Variants in ELFN1 observed in about 807,000 individuals in gnomAD.
ELFN1 encodes protein ELFN1.
In ELFN1, 6 loss-of-function variants were observed where a neutral mutation model predicts 7.6. The observed-to-expected ratio is 0.79, with a 90% confidence interval of 0.43 to 1.56. The LOEUF is 1.56. Among genes scored for constraint, ELFN1 ranks in the 40% most tolerant of loss-of-function variants. The pLI is 0.01. For synonymous variants in ELFN1, 657 were observed against 588.1 expected (o/e 1.12, Z -1.70); for missense variants, 1,169 against 1,232.2 (o/e 0.95, Z 0.77).
chr7:1,721,036 G>C (rs1422673416), intron 3 of ELFN1, among the ~76,000 whole-genome samples: 2 of 152,176 alleles, frequency 1.3e-5, no homozygotes, highest in African/African-American at 4.8e-5. Flanking sequence ...GTATTTCTAT[G>C]TGTTTAATAA....
chr7:1,747,145 A>C lies in ELFN1; in HGVS notation c.*62A>C. ...GGATGCAGGATCCACCCAGAGACTCAGCACCAAACCCAACACACGCACGCC... is the reference window on the plus strand; with the variant it reads ...GGATGCAGGATCCACCCAGAGACTCCGCACCAAACCCAACACACGCACGCC... On this transcript the variant is annotated 3_prime_UTR_variant, in exon 4 of 4. Coordinates refer to ENST00000424383, the MANE Select transcript of ELFN1 (RefSeq NM_001128636.4). 7.1e-7 allele frequency: 1 copy of C among 1,409,618 alleles called. No individual in the cohort carries two copies. The highest frequency in any genetic ancestry group is 1.6e-5 in the South Asian group (1 of 61,154). 87.3% of individuals were successfully genotyped at this position (1,409,618 alleles called of 1,614,324 possible). A position where few individuals can be genotyped will look rare whatever the true frequency, so the allele number is the denominator to read the frequency against.
At chr7:1,728,602 A>G (rs1046676870) in intron 3 of ELFN1, among the ~76,000 whole-genome samples, 2 of 152,180 alleles carry the variant, frequency 1.3e-5, no homozygotes, top group Admixed American at 6.5e-5. Flanking sequence ...CCTTCTGTCC[A>G]TGCAAATCCC....
chr7:1,707,138 C>T (rs1187836702), intron 2 of ELFN1, among the ~76,000 whole-genome samples: 1 of 152,232 alleles, frequency 6.6e-6, no homozygotes, highest in African/African-American at 2.4e-5. Flanking sequence ...GCCCAGCACA[C>T]GCATGTGAGA....
At chr7:1,687,877 A>G (rs2128578883) in intron 1 of ELFN1, among the ~76,000 whole-genome samples, 181 bp from the exon 2 acceptor site, 1 of 151,804 alleles carries the variant, frequency 6.6e-6, no homozygotes, top group Non-Finnish European at 1.5e-5. Flanking sequence ...TAAAAGTCAT[A>G]TTTGTCTTTT....
chr7:1,691,599 G>T (rs1779165819), intron 2 of ELFN1, among the ~76,000 whole-genome samples: 1 of 152,170 alleles, frequency 6.6e-6, no homozygotes, highest in South Asian at 2.1e-4. Flanking sequence ...AGGGATCCAG[G>T]CCCGACCCAC....
chr7:1,746,658 G>A lies in ELFN1; in HGVS notation c.2062G>A (p.Ala688Thr), dbSNP rs1161280673. 1.1e-5 allele frequency: 15 copies of A among 1,367,232 alleles called. No homozygotes were observed. Among genetic ancestry groups the A allele is most frequent in the South Asian group, 9.7e-5 (6 of 61,676 alleles). The allele number at this position is 1,367,232 out of a possible 1,614,324, so 84.7% of individuals were successfully genotyped here. ...CATCCTCACTGTGACACCCGCGGCC[G>A]CCGTGCTGCGGGCCGAGGCCGAGAA... is the stretch of plus-strand genomic sequence containing the variant. ...DAILTVTPAA[A>T]VLRAEAEKGR... Residue 688 changes from alanine to threonine, a missense_variant, in exon 4 of 4, where the codon GCC (alanine) becomes ACC (threonine). Ala to Thr is a moderately conservative substitution (Grantham distance 58). Around this residue, in one of 2 missense-constraint regions of ELFN1, gnomAD observed 914 missense variants for 872.6 expected, o/e 1.05. Transcript: ENST00000424383.
At position 1,747,407 on chromosome 7, in the gene ELFN1, C is replaced by T. The variant is rs894707191; in HGVS notation, c.*324C>T. ...GGATTTTTTTTTCATTATCTTTCCT[C>T]TTTTGAGTCTTCTCTGCCTTTTCTT... On this transcript the variant is annotated 3_prime_UTR_variant, in exon 4 of 4. Transcript: ENST00000424383. 21 of 229,246 alleles carry T rather than the reference C, an allele frequency of 9.2e-5. No homozygotes were observed. Among genetic ancestry groups the T allele is most frequent in the African/African-American group, 3.7e-4 (16 of 43,806 alleles). 14.2% of individuals were successfully genotyped at this position (229,246 alleles called of 1,614,324 possible).
At chr7:1,704,657 G>T (rs75467157) in intron 2 of ELFN1, among the ~76,000 whole-genome samples, 25,812 of 151,904 alleles carry the variant, frequency 0.17, 2,772 homozygotes, top group African/African-American at 0.31. Flanking sequence ...CCCTTGCTTG[G>T]GAGTCCCGTC....
At chr7:1,669,146 G>T (rs762587851), upstream of ELFN1, among the ~76,000 whole-genome samples, 1 of 152,244 alleles carries the variant, frequency 6.6e-6, no homozygotes, top group Non-Finnish European at 1.5e-5. Context: ...GGTCCATACA[G>T]GACTGAACGG....
At chr7:1,716,952 C>A (rs953555645) in intron 3 of ELFN1, among the ~76,000 whole-genome samples, 5 of 152,144 alleles carry the variant, frequency 3.3e-5, no homozygotes, top group Admixed American at 2.6e-4. Context: ...AATTAGTAGA[C>A]AGGGCTGCTG....
chr7:1,740,348 G>C lies in ELFN1; in HGVS notation c.-293-3956G>C, dbSNP rs1780573087. Among the ~76,000 whole-genome samples, 1 of 152,232 alleles carries C rather than the reference G, an allele frequency of 6.6e-6. No homozygotes were observed. The highest frequency in any genetic ancestry group is 1.5e-5 in the Non-Finnish European group (1 of 68,026). ...CTGAGGCAGCAAGTGTGCTGAGGAGGGGACCAGGGCTGGAGCTGGGTCTGT... is the reference window on the plus strand; with the variant it reads ...CTGAGGCAGCAAGTGTGCTGAGGAGCGGACCAGGGCTGGAGCTGGGTCTGT... On this transcript the variant is annotated intron_variant, in intron 3 of 3. Coordinates refer to ENST00000424383, the MANE Select transcript of ELFN1 (RefSeq NM_001128636.4). This position sits in a 1 kb window ranked among gnomAD's most constrained non-coding sequence, Gnocchi z 5.0.
chr7:1,745,620 A>T lies in ELFN1; in HGVS notation c.1024A>T (p.Met342Leu). The T allele has an allele frequency of 2.6e-6, 4 of 1,551,088 alleles. No homozygotes were observed. Among genetic ancestry groups the T allele is most frequent in the Non-Finnish European group, 3.5e-6 (4 of 1,146,958 alleles). ...CCAGCTGCCCAGCCCGTTCCACCGG[A>T]TGTACACCCTGGAGCATTTCAACAA... is the stretch of plus-strand genomic sequence containing the variant. Reference protein sequence around the residue: ...TVQLPSPFHRMYTLEHFNNSK... With the variant: ...TVQLPSPFHRLYTLEHFNNSK... The change falls in exon 4 of 4, where the codon ATG (methionine) becomes TTG (leucine). Residue 342 changes from methionine (M) to leucine (L), a missense_variant. Transcript: ENST00000424383.
chr7:1,700,054 A>G (rs1018263556), intron 2 of ELFN1, among the ~76,000 whole-genome samples: 4 of 151,882 alleles, frequency 2.6e-5, no homozygotes, highest in African/African-American at 9.7e-5. Flanking sequence ...TTCCTTCTCT[A>G]TCAAGCAGCA....
rs1395272762 is a variant in ELFN1, at chr7:1,670,364, G to T, written c.-549+10G>T. Among the ~76,000 whole-genome samples, 1 of 151,776 alleles carries T rather than the reference G, an allele frequency of 6.6e-6. No individual in the cohort carries two copies. Among genetic ancestry groups the T allele is most frequent in the Non-Finnish European group, 1.5e-5 (1 of 67,862 alleles). On this transcript the variant is annotated intron_variant, in intron 1 of 3. Transcript: ENST00000424383. This position sits in a 1 kb window ranked among gnomAD's most constrained non-coding sequence, Gnocchi z 6.4. The stretch of plus-strand genomic sequence containing the variant: ...GAGGCCGGGCGGGCAGGTAAGCGGC[G>T]AGCGCGGCCGGGCGCTGAACCTGGG...
chr7:1,735,257 G>C lies in ELFN1; in HGVS notation c.-293-9047G>C, dbSNP rs1242605282. Among the ~76,000 whole-genome samples the C allele has an allele frequency of 6.6e-6, 1 of 152,144 alleles. No homozygotes were observed. Among genetic ancestry groups the C allele is most frequent in the Non-Finnish European group, 1.5e-5 (1 of 68,018 alleles). On this transcript the variant is annotated intron_variant, in intron 3 of 3. Transcript: ENST00000424383. This position sits in a 1 kb window ranked among gnomAD's most constrained non-coding sequence, Gnocchi z 5.9. ...CTTGTAGGGTGTTCCTGCTCTTGGG[G>C]GCAGGGCAGGGGGAGCCCTGCAGCT...
rs1317487921 is a variant in ELFN1 at position 1,695,169 on chromosome 7, C to T, written c.-456+7019C>T. ...GTGGCTCCAGAGCTCATGCGCAGCCCGCTGGGGCTGTGAGGGTTCTGTCCA... is the reference window on the plus strand; with the variant it reads ...GTGGCTCCAGAGCTCATGCGCAGCCTGCTGGGGCTGTGAGGGTTCTGTCCA... On this transcript the variant is annotated intron_variant, in intron 2 of 3. Coordinates refer to ENST00000424383, the MANE Select transcript of ELFN1 (RefSeq NM_001128636.4). This position sits in a 1 kb window ranked among gnomAD's most constrained non-coding sequence, Gnocchi z 5.1. Among the ~76,000 whole-genome samples, 1 of 152,226 alleles carries T rather than the reference C, an allele frequency of 6.6e-6. No homozygotes were observed. The highest frequency in any genetic ancestry group is 1.5e-5 in the Non-Finnish European group (1 of 68,046).
chr7:1,672,175 A>G (rs1778780494), intron 1 of ELFN1, among the ~76,000 whole-genome samples: 1 of 152,174 alleles, frequency 6.6e-6, no homozygotes, highest in African/African-American at 2.4e-5. Context: ...CACACTCCTG[A>G]GGCCTGGTAA....
At position 1,704,572 on chromosome 7, in the gene ELFN1, C is replaced by A. The variant is rs192546260; in HGVS notation, c.-455-4519C>A. Among the ~76,000 whole-genome samples the A allele has an allele frequency of 1.4e-4, 22 of 152,202 alleles. No homozygotes were observed. The East Asian group carries it at 4.3e-3, about 30-fold the overall frequency. ...CTCCTCCCCACCCCAGGAGGCTCCACCTACAGCAGTACTAGGTGGGGGTCA... is the reference window on the plus strand; with the variant it reads ...CTCCTCCCCACCCCAGGAGGCTCCAACTACAGCAGTACTAGGTGGGGGTCA... On this transcript the variant is annotated intron_variant, in intron 2 of 3. Transcript: ENST00000424383.
intron 2 of ELFN1, among the ~76,000 whole-genome samples, chr7:1,702,362 G>T (rs980841441): frequency 6.6e-6 from 1 of 151,848 alleles, no homozygotes; most frequent in Non-Finnish European, 1.5e-5. Context: ...GGCGGTGGTT[G>T]CAGTGAGCCG....
Sources: allele counts gnomAD v4.1 joint callset (sites outside exome capture counted in the v4.1 genomes callset), GRCh38; gene constraint gnomAD v4.1.1; regional missense constraint gnomAD v4.1.1; non-coding constraint Gnocchi (gnomAD v3.1); transcripts MANE v1.5; gene names NCBI Gene and HGNC (gene_info 2026-07-23, HGNC 2026-07-21).